IL1RAPL2: variants seen among roughly 807,000 people sequenced by gnomAD.
IL1RAPL2 encodes interleukin 1 receptor accessory protein like 2, also known as X-linked interleukin-1 receptor accessory protein-like 2.
IL1RAPL2 carries 3 observed loss-of-function variants against 44.1 expected under a neutral mutation model. The ratio of observed to expected loss-of-function variants is 0.07; its 90% CI spans 0.03 to 0.18. The LOEUF is 0.18. Ranked by LOEUF, IL1RAPL2 falls within the 10% of genes least tolerant of loss-of-function variation. The probability of loss-of-function intolerance (pLI) is 1.00; values close to 1 mark genes in which losing one functional copy is unlikely to be tolerated. For missense variants in IL1RAPL2, 391 were observed against 496.4 expected (o/e 0.79, Z 2.02); for synonymous variants, 181 against 178.8 (o/e 1.01, Z -0.10).
intron 2 of IL1RAPL2, among the ~76,000 whole-genome samples, chrX:104,817,841 G>A (rs1921178832): frequency 9.0e-6 from 1 of 111,341 alleles, no homozygotes; most frequent in Non-Finnish European, 1.9e-5. Context: ...TGAAACTAAT[G>A]CTGTTAGTAC....
chrX:104,745,848 GTATT>G (rs1401082599), intron 2 of IL1RAPL2, among the ~76,000 whole-genome samples: 1 of 111,215 alleles, frequency 9.0e-6, no homozygotes, highest in Non-Finnish European at 1.9e-5. Context: ...TAGAGAACAG[GTATT>G]TATTAAGAAT....
intron 2 of IL1RAPL2, among the ~76,000 whole-genome samples, chrX:104,982,410 T>G (rs1262742818): frequency 9.0e-6 from 1 of 110,998 alleles, no homozygotes; most frequent in East Asian, 2.8e-4. Context: ...TTATGAGCAT[T>G]TTTACTTTCT....
chrX:105,701,037 C>A (rs2038115438), intron 6 of IL1RAPL2, among the ~76,000 whole-genome samples: 1 of 111,200 alleles, frequency 9.0e-6, no homozygotes, highest in Non-Finnish European at 1.9e-5. Context: ...GACTTCATGG[C>A]AGGTGCCCTA....
chrX:104,943,630 T>C (rs1925260371), intron 2 of IL1RAPL2, among the ~76,000 whole-genome samples: 1 of 111,273 alleles, frequency 9.0e-6, no homozygotes, highest in African/African-American at 3.3e-5. Flanking sequence ...ACCTCCTCCT[T>C]CTAGTCTTTG....
chrX:104,608,833 C>A (rs1012795916), intron 1 of IL1RAPL2, among the ~76,000 whole-genome samples: 1 of 110,447 alleles, frequency 9.1e-6, no homozygotes, highest in African/African-American at 3.3e-5. Context: ...TCAATTGGGG[C>A]ATTTAGCCCA....
At chrX:104,985,380 C>T (rs755304502) in intron 2 of IL1RAPL2, among the ~76,000 whole-genome samples, 67 of 111,835 alleles carry the variant, frequency 6.0e-4, no homozygotes, top group Non-Finnish European at 8.8e-4. Flanking sequence ...TGAGCCACCA[C>T]GCCTGGCCTG....
At chrX:105,587,256 A>C (rs2147816852) in intron 6 of IL1RAPL2, among the ~76,000 whole-genome samples, 1 of 111,507 alleles carries the variant, frequency 9.0e-6, no homozygotes, top group East Asian at 2.8e-4. Context: ...GCTAATTAAT[A>C]ATTTTATCTT....
intron 2 of IL1RAPL2, among the ~76,000 whole-genome samples, chrX:105,129,946 A>G (rs1252135610): frequency 1.8e-5 from 2 of 111,060 alleles, no homozygotes; most frequent in African/African-American, 6.5e-5. Context: ...TTAATCTTTC[A>G]ACACTTCTGT....
intron 2 of IL1RAPL2, among the ~76,000 whole-genome samples, chrX:104,885,707 G>A (rs1923218492): frequency 8.9e-6 from 1 of 112,354 alleles, no homozygotes; most frequent in Non-Finnish European, 1.9e-5. Flanking sequence ...ATGGCCCTCA[G>A]ACAAACAAAC....
rs183951943 is a variant in IL1RAPL2 at position 105,074,308 on chromosome X, C to G, written c.83-121167C>G. ...ATTTATTAAATAGGGGATCCTTTCC[C>G]CATTTCTTGTTTTTGTCAGGTTTGT... On this transcript the variant is annotated intron_variant, in intron 2 of 10. Transcript: ENST00000372582. 1.5e-3 allele frequency among the ~76,000 whole-genome samples: 171 copies of G among 111,654 alleles called. 1 individual carries two copies. The East Asian group carries it at 0.036, about 24-fold the overall frequency.
intron 10 of IL1RAPL2, 73 bp from the exon 11 acceptor site, chrX:105,766,891 A>G: frequency 1.4e-6 from 1 of 690,666 alleles, no homozygotes; most frequent in Non-Finnish European, 2.2e-6. Context: ...TTGCTATACT[A>G]GTGTGCAAAC....
intron 2 of IL1RAPL2, among the ~76,000 whole-genome samples, chrX:104,843,591 G>A (rs770287121): frequency 1.1e-4 from 12 of 110,717 alleles, no homozygotes; most frequent in South Asian, 3.9e-4. Context: ...TGGGAAAAGC[G>A]TAGTACTCAG....
intron 5 of IL1RAPL2, among the ~76,000 whole-genome samples, chrX:105,389,192 T>G (rs1293058611): frequency 8.9e-6 from 1 of 111,950 alleles, no homozygotes; most frequent in Non-Finnish European, 1.9e-5. Flanking sequence ...TATAGTTTCT[T>G]TGACATAAAG....
intron 2 of IL1RAPL2, among the ~76,000 whole-genome samples, chrX:105,107,779 C>T (rs776396523): frequency 9.0e-6 from 1 of 111,628 alleles, no homozygotes; most frequent in South Asian, 3.8e-4. Flanking sequence ...TCCATTATCA[C>T]GTCACTGAAA....
chrX:105,096,749 T>C (rs1238700182), intron 2 of IL1RAPL2, among the ~76,000 whole-genome samples: 1 of 111,490 alleles, frequency 9.0e-6, no homozygotes, highest in African/African-American at 3.3e-5. Context: ...GTAATGAAAA[T>C]ATTCTGGATT....
At chrX:105,432,655 T>C (rs941832480) in intron 5 of IL1RAPL2, among the ~76,000 whole-genome samples, 1 of 111,393 alleles carries the variant, frequency 9.0e-6, no homozygotes, top group African/African-American at 3.3e-5. Flanking sequence ...ATCTCAAGAC[T>C]TTCTAGACAA....
At chrX:104,885,996 G>C (rs1425540896) in intron 2 of IL1RAPL2, among the ~76,000 whole-genome samples, 1 of 112,610 alleles carries the variant, frequency 8.9e-6, no homozygotes, top group Non-Finnish European at 1.9e-5. Flanking sequence ...TGAGGCCTGG[G>C]TATGTTTAAC....
chrX:105,744,317 C>T (rs970200385), intron 8 of IL1RAPL2, among the ~76,000 whole-genome samples: 3 of 111,609 alleles, frequency 2.7e-5, no homozygotes, highest in African/African-American at 9.8e-5. Flanking sequence ...CACTTGGTCT[C>T]CTTAGGAGCT....
At chrX:104,589,045 T>C (rs1928614952) in intron 1 of IL1RAPL2, among the ~76,000 whole-genome samples, 1 of 112,063 alleles carries the variant, frequency 8.9e-6, no homozygotes, top group African/African-American at 3.2e-5. Context: ...AATTAATTTA[T>C]CTATGACGGA....
Sources: gnomAD v4.1 joint callset for allele counts (sites outside exome capture counted in the v4.1 genomes callset) on GRCh38, gnomAD v4.1.1 for gene constraint, MANE v1.5 for transcripts, NCBI Gene and HGNC (gene_info 2026-07-23, HGNC 2026-07-21) for gene names.